Variants in STK32B observed in about 807,000 individuals in gnomAD.
The protein encoded by STK32B is serine/threonine-protein kinase 32B.
A neutral mutation model predicts 52.6 loss-of-function variants in STK32B; 43 were observed. The ratio of observed to expected loss-of-function variants is 0.82; its 90% confidence interval spans 0.64 to 1.05. STK32B has a LOEUF of 1.05. Among genes scored for constraint, STK32B ranks in the 50% least tolerant of loss-of-function variants. The probability of loss-of-function intolerance (pLI) is 0.00; values close to 1 mark genes in which losing one functional copy is unlikely to be tolerated. For synonymous variants in STK32B, 238 were observed against 204.3 expected (o/e 1.17, Z -1.41); for missense variants, 621 against 534.6 (o/e 1.16, Z -1.59).
chr4:5,364,612 T>A (rs1734756385), intron 4 of STK32B, among the ~76,000 whole-genome samples: 1 of 152,170 alleles, frequency 6.6e-6, no homozygotes, highest in African/African-American at 2.4e-5. Flanking sequence ...CACGTGACTA[T>A]CCCTGAATGA....
chr4:5,168,084 C>T (rs1016951143), intron 2 of STK32B, among the ~76,000 whole-genome samples: 1 of 152,162 alleles, frequency 6.6e-6, no homozygotes, highest in Non-Finnish European at 1.5e-5. Context: ...GGCCAGTGCT[C>T]ATGTCAATGT....
intron 11 of STK32B, among the ~76,000 whole-genome samples, chr4:5,482,900 C>T (rs1475712228): frequency 2.0e-5 from 3 of 152,096 alleles, no homozygotes; most frequent in African/African-American, 4.8e-5. Context: ...TATTGATTTG[C>T]ATATGTTGAA....
intron 4 of STK32B, among the ~76,000 whole-genome samples, chr4:5,346,460 C>T (rs990464511): frequency 6.6e-6 from 1 of 152,164 alleles, no homozygotes; most frequent in African/African-American, 2.4e-5. Flanking sequence ...AAACCCAAAC[C>T]TCTGACTTAG....
At chr4:5,392,759 C>T (rs959467620) in intron 4 of STK32B, among the ~76,000 whole-genome samples, 3 of 152,158 alleles carry the variant, frequency 2.0e-5, no homozygotes, top group Admixed American at 1.3e-4. Context: ...TGGAGTGCCT[C>T]CCCAGCACCT....
rs183365391 is a variant in STK32B, at chr4:5,434,484, T to C, written c.563-12189T>C. Among the ~76,000 whole-genome samples, 18 of 150,972 alleles carry C rather than the reference T, an allele frequency of 1.2e-4. No individual in the cohort carries two copies. In the East Asian group the frequency reaches 3.4e-3, roughly 28 times the overall value. On this transcript the variant is annotated intron_variant, in intron 6 of 11. Coordinates refer to ENST00000282908, the MANE Select transcript of STK32B (RefSeq NM_018401.3). ...TATATATATATATATGATTTTTATATTCAGCATGTTTATAAAGATGGCATA... is the reference window on the plus strand; with the variant it reads ...TATATATATATATATGATTTTTATACTCAGCATGTTTATAAAGATGGCATA...
chr4:5,325,422 C>A (rs1731807184), intron 3 of STK32B, among the ~76,000 whole-genome samples: 1 of 151,942 alleles, frequency 6.6e-6, no homozygotes, highest in African/African-American at 2.4e-5. Flanking sequence ...CATTGATGGG[C>A]CATTTCAGGG....
At chr4:5,417,262 G>A (rs1304530345) in intron 6 of STK32B, among the ~76,000 whole-genome samples, 2 of 152,216 alleles carry the variant, frequency 1.3e-5, no homozygotes, top group African/African-American at 2.4e-5. Flanking sequence ...TAACTTGGTG[G>A]TGGTCATTCT....
At chr4:5,333,581 G>A (rs1732420579) in intron 4 of STK32B, among the ~76,000 whole-genome samples, 1 of 152,126 alleles carries the variant, frequency 6.6e-6, no homozygotes, top group Non-Finnish European at 1.5e-5. Flanking sequence ...TAATGCCTAG[G>A]TTTTCTTCTA....
chr4:5,464,809 T>TATGA (rs1299371539), intron 9 of STK32B, among the ~76,000 whole-genome samples: 3 of 152,168 alleles, frequency 2.0e-5, no homozygotes, highest in East Asian at 3.9e-4. Context: ...CCTGCATTTT[T>TATGA]ATGAATGAAT....
chr4:5,353,135 T>G (rs1304935887), intron 4 of STK32B, among the ~76,000 whole-genome samples: 1 of 152,120 alleles, frequency 6.6e-6, no homozygotes, highest in African/African-American at 2.4e-5. Flanking sequence ...TTGACCAAGA[T>G]GCCAAGAACG....
intron 3 of STK32B, among the ~76,000 whole-genome samples, chr4:5,216,168 G>C (rs1011326998): frequency 6.6e-6 from 1 of 152,180 alleles, no homozygotes; most frequent in African/African-American, 2.4e-5. Context: ...GCACCTCAGA[G>C]TTCCTGATTT....
chr4:5,388,665 A>T (rs555212049), intron 4 of STK32B, among the ~76,000 whole-genome samples: 1 of 152,328 alleles, frequency 6.6e-6, no homozygotes, highest in South Asian at 2.1e-4. Context: ...TCTAGTTGGA[A>T]GTAGAAAGAA....
At chr4:5,397,684 A>T (rs961669368) in intron 4 of STK32B, among the ~76,000 whole-genome samples, 2 of 152,210 alleles carry the variant, frequency 1.3e-5, no homozygotes, top group Non-Finnish European at 2.9e-5. Flanking sequence ...TTGTTTTTAC[A>T]GTGCTTTAAA....
intron 3 of STK32B, among the ~76,000 whole-genome samples, chr4:5,210,642 T>C (rs997133937): frequency 2.0e-5 from 3 of 152,184 alleles, no homozygotes; most frequent in African/African-American, 7.2e-5. Flanking sequence ...TCCACTGTTA[T>C]GAGCCCTGCC....
chr4:5,202,993 A>G (rs1722274834), intron 3 of STK32B, among the ~76,000 whole-genome samples: 2 of 152,232 alleles, frequency 1.3e-5, no homozygotes, highest in South Asian at 2.1e-4. Flanking sequence ...GTGTGGAATT[A>G]TGGAAAGGGC....
At chr4:5,240,062 CTCTCTCTCTCTG>C (rs924030911) in intron 3 of STK32B, among the ~76,000 whole-genome samples, 6 of 151,372 alleles carry the variant, frequency 4.0e-5, no homozygotes, top group Non-Finnish European at 5.9e-5. Context: ...TTCTCTCTCT[CTCTCTCTCTCTG>C]TCTCTCTCTC....
intron 3 of STK32B, among the ~76,000 whole-genome samples, chr4:5,262,335 T>C (rs1461298144): frequency 6.6e-6 from 1 of 152,022 alleles, no homozygotes; most frequent in South Asian, 2.1e-4. Flanking sequence ...CCATTAAAAA[T>C]GGCAGTGTGT....
At chr4:5,203,920 C>T (rs968331579) in intron 3 of STK32B, among the ~76,000 whole-genome samples, 6 of 152,268 alleles carry the variant, frequency 3.9e-5, no homozygotes, top group Admixed American at 3.9e-4. Flanking sequence ...GACTGGTGGG[C>T]CCAGAACTGT....
intron 5 of STK32B, among the ~76,000 whole-genome samples, chr4:5,410,503 C>A (rs1711579473): frequency 6.6e-6 from 1 of 152,122 alleles, no homozygotes; most frequent in Admixed American, 6.5e-5. Flanking sequence ...CCAGGAATTT[C>A]TAGGGAAGCA....
Sources: allele counts gnomAD v4.1 joint callset (sites outside exome capture counted in the v4.1 genomes callset), GRCh38; gene constraint gnomAD v4.1.1; transcripts MANE v1.5; gene names NCBI Gene and HGNC (gene_info 2026-07-23, HGNC 2026-07-21).